Variants in THSD7A observed in about 807,000 individuals in gnomAD.
The protein encoded by THSD7A is thrombospondin type-1 domain-containing protein 7A.
Under a neutral mutation model 231.3 loss-of-function variants are expected in THSD7A, and 96 were observed. That is an observed-to-expected ratio of 0.41 (90% CI 0.35 to 0.49). The LOEUF is 0.49. THSD7A is among the 20% of genes least tolerant of loss of function. THSD7A has a pLI of 0.05. For missense variants in THSD7A, 2,290 were observed against 2,070.2 expected (o/e 1.11, Z -2.06); for synonymous variants, 940 against 743.3 (o/e 1.26, Z -4.30).
chr7:11,640,707 C>A (rs1353123336), intron 1 of THSD7A, among the ~76,000 whole-genome samples: 1 of 152,020 alleles, frequency 6.6e-6, no homozygotes, highest in Non-Finnish European at 1.5e-5. Flanking sequence ...GCATATATTT[C>A]TGCAATGATT....
intron 1 of THSD7A, among the ~76,000 whole-genome samples, chr7:11,721,922 T>G (rs914900676): frequency 6.6e-6 from 1 of 151,854 alleles, no homozygotes; most frequent in Non-Finnish European, 1.5e-5. Flanking sequence ...TATATTGAAC[T>G]CTTCTTATAT....
rs573058049 is a variant in THSD7A at position 11,476,659 on chromosome 7, T to C, written c.2018-2091A>G. Among the ~76,000 whole-genome samples the C allele has an allele frequency of 7.2e-5, 11 of 151,778 alleles. No individual in the cohort carries two copies. In the South Asian group the frequency reaches 2.3e-3, roughly 32 times the overall value. ...CGGTGAAACCTTGTCTCTACTAAAA[T>C]ACAAAAAATTAGTCAGGCATGGTGG... On this transcript the variant is annotated intron_variant, in intron 7 of 27. Coordinates refer to ENST00000423059, the MANE Select transcript of THSD7A (RefSeq NM_015204.3).
chr7:11,530,839 G>T (rs1316336611), intron 6 of THSD7A, among the ~76,000 whole-genome samples: 2 of 151,972 alleles, frequency 1.3e-5, no homozygotes, highest in African/African-American at 4.8e-5. Context: ...AGTGAAGCCT[G>T]GTCTCTACTA....
chr7:11,429,263 G>T, intron 13 of THSD7A, 138 bp from the exon 14 acceptor site: 1 of 752,428 alleles, frequency 1.3e-6, no homozygotes, highest in East Asian at 3.0e-5. Context: ...TCTGTTGTAA[G>T]GGACTTGAAT....
intron 1 of THSD7A, among the ~76,000 whole-genome samples, chr7:11,688,597 T>C (rs1780136284): frequency 6.6e-6 from 1 of 151,698 alleles, no homozygotes; most frequent in Non-Finnish European, 1.5e-5. Flanking sequence ...GAGACTGAAA[T>C]GAACAGCCAG....
intron 1 of THSD7A, among the ~76,000 whole-genome samples, chr7:11,753,282 T>A (rs1167971688): frequency 6.6e-6 from 1 of 152,104 alleles, no homozygotes; most frequent in African/African-American, 2.4e-5. Context: ...TTTCTAAACT[T>A]GTAGATATAT....
chr7:11,711,502 A>C (rs1780964366), intron 1 of THSD7A, among the ~76,000 whole-genome samples: 1 of 151,060 alleles, frequency 6.6e-6, no homozygotes, highest in Non-Finnish European at 1.5e-5. Context: ...GTATAAATCC[A>C]CACTTGCAAT....
rs973209372 is a variant in THSD7A, at chr7:11,468,501, C to T, written c.2368+1378G>A. 2.6e-5 allele frequency among the ~76,000 whole-genome samples: 4 copies of T among 152,036 alleles called. No homozygotes were observed. The East Asian group carries it at 5.8e-4, about 22-fold the overall frequency. ...TTATAAAAGTTAATGCTTATAACTCCTTTTAATTTGCCAAAAGCTATTTAA... is the reference window on the plus strand; with the variant it reads ...TTATAAAAGTTAATGCTTATAACTCTTTTTAATTTGCCAAAAGCTATTTAA... On this transcript the variant is annotated intron_variant, in intron 9 of 27. Transcript: ENST00000423059.
intron 1 of THSD7A, among the ~76,000 whole-genome samples, chr7:11,722,679 A>C (rs572571890): frequency 1.1e-3 from 174 of 152,040 alleles, no homozygotes; most frequent in African/African-American, 4.0e-3. Flanking sequence ...TATGAACAGA[A>C]ACTTCTCAAG....
chr7:11,562,991 C>G (rs62434495), intron 4 of THSD7A, among the ~76,000 whole-genome samples: 1,768 of 152,230 alleles, frequency 0.012, 34 homozygotes, highest in Non-Finnish European at 0.013. Flanking sequence ...TAGACCTTAG[C>G]TAGAGTCACT....
chr7:11,394,046 C>G (rs933984560), intron 23 of THSD7A, among the ~76,000 whole-genome samples: 3 of 152,100 alleles, frequency 2.0e-5, no homozygotes, highest in Admixed American at 2.0e-4. Flanking sequence ...AGAAGAGCAA[C>G]CCCAAGACAC....
chr7:11,821,941 T>C (rs561551124), intron 1 of THSD7A, among the ~76,000 whole-genome samples: 2 of 152,190 alleles, frequency 1.3e-5, no homozygotes, highest in Non-Finnish European at 2.9e-5. Flanking sequence ...GAGGATGCAA[T>C]GGCATCTTTT....
At chr7:11,655,179 G>C (rs1782658051) in intron 1 of THSD7A, among the ~76,000 whole-genome samples, 1 of 151,766 alleles carries the variant, frequency 6.6e-6, no homozygotes, top group African/African-American at 2.4e-5. Context: ...AACTGTTTTT[G>C]TAAATTATCA....
At chr7:11,764,119 T>G (rs982874869) in intron 1 of THSD7A, among the ~76,000 whole-genome samples, 1 of 152,162 alleles carries the variant, frequency 6.6e-6, no homozygotes. Flanking sequence ...GAAACCAAAT[T>G]TTATATAGCC....
intron 1 of THSD7A, chr7:11,821,032 TTTTCA>T: frequency 2.0e-6 from 2 of 983,014 alleles, no homozygotes; most frequent in Non-Finnish European, 3.2e-6. Context: ...TTTCTGGGAC[TTTTCA>T]TTTCATCACG....
intron 7 of THSD7A, among the ~76,000 whole-genome samples, chr7:11,477,699 C>T (rs1786250361): frequency 6.6e-6 from 1 of 152,090 alleles, no homozygotes; most frequent in African/African-American, 2.4e-5. Flanking sequence ...CCACAAGATC[C>T]TCCTGGCCCA....
intron 2 of THSD7A, among the ~76,000 whole-genome samples, chr7:11,610,051 G>A (rs1387610048): frequency 6.6e-6 from 1 of 152,052 alleles, no homozygotes; most frequent in African/African-American, 2.4e-5. Flanking sequence ...AATGGTTAAT[G>A]CCTACAAATG....
rs201870071 is a variant in THSD7A at position 11,821,524 on chromosome 7, G to GA, written c.190+10232dup. Among the ~76,000 whole-genome samples, 35 of 151,248 alleles carry GA rather than the reference G, an allele frequency of 2.3e-4. 1 individual carries two copies. In the South Asian group the frequency reaches 6.1e-3, roughly 26 times the overall value. ...AAACTTTGAAGTGTTCACCTCAAAA[G>GA]AAAAAAAATAATAATTTTAAAAGAA... On this transcript the variant is annotated intron_variant, in intron 1 of 27. Transcript: ENST00000423059.
Position 11,415,025 on chromosome 7 carries a change from A to G in THSD7A, c.3538-2225T>C, listed in dbSNP as rs577377027. Among the ~76,000 whole-genome samples the G allele has an allele frequency of 2.7e-4, 41 of 152,318 alleles. 2 individuals carry two copies. In the East Asian group the frequency reaches 5.6e-3, roughly 21 times the overall value. On this transcript the variant is annotated intron_variant, in intron 17 of 27. Coordinates refer to ENST00000423059, the MANE Select transcript of THSD7A (RefSeq NM_015204.3). ...AAATTTAGGCTAACGCTGCCTCCTT[A>G]CATTCAAGTTCATCCTAAAGGTTTC...
Sources: gnomAD v4.1 joint callset for allele counts (sites outside exome capture counted in the v4.1 genomes callset) on GRCh38, gnomAD v4.1.1 for gene constraint, MANE v1.5 for transcripts, NCBI Gene and HGNC (gene_info 2026-07-23, HGNC 2026-07-21) for gene names.